The following ARG1 variants were observed in gnomAD, a reference collection of about 807,000 sequenced individuals.
ARG1 encodes the protein arginase-1.
A neutral mutation model predicts 33.0 loss-of-function variants in ARG1; 20 were observed. That is an observed-to-expected ratio of 0.61 (90% confidence interval 0.43 to 0.88). The LOEUF is 0.88. ARG1 is among the 40% of genes least tolerant of loss of function. The probability of loss-of-function intolerance (pLI) is 0.00; values close to 1 mark genes in which losing one functional copy is unlikely to be tolerated. For missense variants in ARG1, 374 were observed against 384.7 expected (o/e 0.97, Z 0.23); for synonymous variants, 146 against 140.6 (o/e 1.04, Z -0.27).
chr6:131,576,303 C>A (rs1439762529), intron 1 of ARG1, among the ~76,000 whole-genome samples: 1 of 152,200 alleles, frequency 6.6e-6, no homozygotes, highest in Non-Finnish European at 1.5e-5. Context: ...ATCTCATCTA[C>A]CAGACTGCTT....
intron 1 of ARG1, among the ~76,000 whole-genome samples, chr6:131,574,996 T>C (rs2114513148): frequency 6.6e-6 from 1 of 152,296 alleles, no homozygotes; most frequent in South Asian, 2.1e-4. Context: ...GACCTTATAC[T>C]TGTGGCCATT....
chr6:131,581,651 TG>T (rs963049259), intron 4 of ARG1, among the ~76,000 whole-genome samples: 1 of 152,198 alleles, frequency 6.6e-6, no homozygotes, highest in African/African-American at 2.4e-5. Flanking sequence ...AACAGGTCAG[TG>T]GAGGTTCAGA....
intron 4 of ARG1, among the ~76,000 whole-genome samples, chr6:131,582,343 G>A (rs898905857): frequency 6.6e-6 from 1 of 152,118 alleles, no homozygotes; most frequent in African/African-American, 2.4e-5. Context: ...CCAAAGTAAT[G>A]GGAGCACAAT....
intron 1 of ARG1, among the ~76,000 whole-genome samples, chr6:131,574,705 C>G (rs757250627): frequency 3.3e-5 from 5 of 151,994 alleles, no homozygotes; most frequent in Non-Finnish European, 7.4e-5. Context: ...GACAAATAAG[C>G]AAAAGGAAAG....
chr6:131,583,237 T>TAA, intron 6 of ARG1, 73 bp downstream of exon 6: 1 of 1,597,608 alleles, frequency 6.3e-7, no homozygotes, highest in Non-Finnish European at 8.6e-7. Flanking sequence ...AAGTTATTAA[T>TAA]AAAGTCTTTA....
At chr6:131,582,560 T>G (rs1472424187) in intron 4 of ARG1, 61 bp from the exon 5 acceptor site, 12 of 1,308,294 alleles carry the variant, frequency 9.2e-6, no homozygotes, top group Non-Finnish European at 2.2e-6. Flanking sequence ...GTCTTTACCT[T>G]TGAATGTAGG....
In ARG1 at chr6:131,582,610, T is replaced by A; in HGVS notation, c.466-11T>A. The A allele has an allele frequency of 6.2e-7, 1 of 1,606,994 alleles. No homozygotes were observed. Among genetic ancestry groups the A allele is most frequent in the South Asian group, 1.1e-5 (1 of 90,938 alleles). ...ATCATACATAACCAAGTGAAAACATTGTAATTTTAGATTCCCGATGTGCCA... is the reference window on the plus strand; with the variant it reads ...ATCATACATAACCAAGTGAAAACATAGTAATTTTAGATTCCCGATGTGCCA... On this transcript the variant is annotated splice_polypyrimidine_tract_variant and intron_variant, in intron 4 of 7. Coordinates refer to ENST00000368087, the MANE Select transcript of ARG1 (RefSeq NM_000045.4).
intron 1 of ARG1, among the ~76,000 whole-genome samples, chr6:131,575,705 T>C (rs1168469791): frequency 1.3e-5 from 2 of 152,228 alleles, no homozygotes; most frequent in East Asian, 3.8e-4. Flanking sequence ...AAAAGCTCTG[T>C]TGGAAATTAA....
In ARG1 at chr6:131,583,337, T is replaced by G; in HGVS notation, c.666-18T>G. ...AGCCATCAACCTTAAACTGAAATCC[T>G]TTCCCACTTCTTAAAAGAAAGAAAA... On this transcript the variant is annotated intron_variant, in intron 6 of 7. Transcript: ENST00000368087. 1 of 1,614,136 alleles carries G rather than the reference T, an allele frequency of 6.2e-7. No individual in the cohort carries two copies. The highest frequency in any genetic ancestry group is 1.1e-5 in the South Asian group (1 of 91,082).
At chr6:131,576,818 GT>G in intron 2 of ARG1, 83 bp downstream of exon 2, 1 of 1,235,524 alleles carries the variant, frequency 8.1e-7, no homozygotes, top group African/African-American at 1.5e-5. Context: ...CCTGGAGTGT[GT>G]CTGGAATATT....
rs932846487 is a variant in ARG1, at chr6:131,583,502, A to G, written c.802+11A>G. On this transcript the variant is annotated intron_variant, in intron 7 of 7. Transcript: ENST00000368087. ...AAATCTACAAAACAGGTAGTTAACA[A>G]TCTGAGGTAATAGAGAAGCAAGTGT... 6.2e-7 allele frequency: 1 copy of G among 1,613,940 alleles called. No individual in the cohort carries two copies. The highest frequency in any genetic ancestry group is 1.3e-5 in the African/African-American group (1 of 74,920).
rs775687110 is a variant in ARG1 at position 131,583,466 on chromosome 6, C to T, written c.777C>T (p.Tyr259=). Reference sequence around the variant, plus strand: ...GTCTGACATACAGAGAAGGTCTCTACATCACAGAAGAAATCTACAAAACAG... The same window carrying T: ...GTCTGACATACAGAGAAGGTCTCTATATCACAGAAGAAATCTACAAAACAG... ...VGGLTYREGL[Y]ITEEIYKTGL... Residue 259 remains tyrosine, a synonymous_variant, in exon 7 of 8, where the codon TAC becomes TAT. Coordinates refer to ENST00000368087, the MANE Select transcript of ARG1 (RefSeq NM_000045.4). 2 of 1,614,090 alleles carry T rather than the reference C, an allele frequency of 1.2e-6. No homozygotes were observed. The highest frequency in any genetic ancestry group is 2.2e-5 in the East Asian group (1 of 44,878).
chr6:131,576,085 AT>A (rs1304695068), intron 1 of ARG1, among the ~76,000 whole-genome samples: 17 of 152,158 alleles, frequency 1.1e-4, no homozygotes, highest in Admixed American at 1.1e-3. Context: ...CTACCTACTC[AT>A]GTCGCAAGAC....
In ARG1 at chr6:131,583,377, A is replaced by G; in HGVS notation, c.688A>G (p.Ser230Gly). ...LGRKKRPIHLSFDVDGLDPSF... is the reference protein window; with the variant it reads ...LGRKKRPIHLGFDVDGLDPSF... ...AAGAAAGAAAAGGCCAATTCATCTA[A>G]GTTTTGATGTTGACGGACTGGACCC... Residue 230 changes from serine to glycine, a missense_variant, in exon 7 of 8, where the codon AGT (serine) becomes GGT (glycine). Physicochemically the swap from Ser to Gly is moderately conservative, Grantham distance 56. Transcript: ENST00000368087. The G allele has an allele frequency of 6.2e-7, 1 of 1,614,206 alleles. No homozygotes were observed. Among genetic ancestry groups the G allele is most frequent in the South Asian group, 1.1e-5 (1 of 91,088 alleles).
intron 2 of ARG1, among the ~76,000 whole-genome samples, chr6:131,577,432 A>C (rs1439038043): frequency 6.6e-6 from 1 of 152,188 alleles, no homozygotes; most frequent in Non-Finnish European, 1.5e-5. Context: ...ATTCAAGTAC[A>C]AGTCTTTGTG....
intron 2 of ARG1, among the ~76,000 whole-genome samples, chr6:131,577,240 A>G (rs756773519): frequency 5.9e-5 from 9 of 152,206 alleles, no homozygotes; most frequent in Non-Finnish European, 1.0e-4. Flanking sequence ...TTACCTTTAC[A>G]TATAAGATTC....
Position 131,581,307 on chromosome 6 carries a change from C to G in ARG1, c.394C>G (p.Pro132Ala). Reference protein sequence around the residue: ...WVDAHTDINTPLTTTSGNLHG... With the variant: ...WVDAHTDINTALTTTSGNLHG... ...GGATGCTCACACTGATATCAACACT[C>G]CACTGACAACCACAAGTGGAAACTT... The change falls in exon 4 of 8, where the codon CCA (proline) becomes GCA (alanine). Residue 132 changes from proline (P) to alanine (A), a missense_variant. Transcript: ENST00000368087. 6.2e-7 allele frequency: 1 copy of G among 1,613,896 alleles called. No individual in the cohort carries two copies. Among genetic ancestry groups the G allele is most frequent in the South Asian group, 1.1e-5 (1 of 91,064 alleles).
In ARG1 at chr6:131,582,611, G is replaced by A. The variant is rs1244186113; in HGVS notation, c.466-10G>A. 6.2e-7 allele frequency: 1 copy of A among 1,608,102 alleles called. No homozygotes were observed. The highest frequency in any genetic ancestry group is 8.5e-7 in the Non-Finnish European group (1 of 1,174,704). On this transcript the variant is annotated splice_polypyrimidine_tract_variant and intron_variant, in intron 4 of 7. Coordinates refer to ENST00000368087, the MANE Select transcript of ARG1 (RefSeq NM_000045.4). ...TCATACATAACCAAGTGAAAACATT[G>A]TAATTTTAGATTCCCGATGTGCCAG...
At position 131,583,073 on chromosome 6, in the gene ARG1, A is replaced by ACT. The variant is rs766868484; in HGVS notation, c.577_578dup (p.Gly194Ter). ...TCTCTTTTATAGCTACATTTTGAAA[A>ACT]CTCTAGGCATTAAATACTTTTCAAT... On this transcript the variant is annotated frameshift_variant, in exon 6 of 8. Transcript: ENST00000368087. LOFTEE classifies it high-confidence loss of function. 2 of 1,612,776 alleles carry ACT rather than the reference A, an allele frequency of 1.2e-6. No individual in the cohort carries two copies.
Sources: allele counts gnomAD v4.1 joint callset (sites outside exome capture counted in the v4.1 genomes callset), GRCh38; gene constraint gnomAD v4.1.1; transcripts MANE v1.5; gene names NCBI Gene and HGNC (gene_info 2026-07-23, HGNC 2026-07-21).